The following SAXO1 variants were observed in gnomAD, a reference collection of about 807,000 sequenced individuals.
The protein encoded by SAXO1 is stabilizer of axonemal microtubules 1.
Under a neutral mutation model 17.5 loss-of-function variants are expected in SAXO1, and 21 were observed. The ratio of observed to expected loss-of-function variants is 1.20; its 90% CI spans 0.85 to 1.72. The LOEUF is 1.72. Ranked by LOEUF, SAXO1 falls within the 40% of genes most tolerant of loss-of-function variation. The probability of loss-of-function intolerance (pLI) is 0.00; values close to 1 mark genes in which losing one functional copy is unlikely to be tolerated. For synonymous variants in SAXO1, 274 were observed against 216.5 expected, an observed-to-expected ratio of 1.27 and a Z score of -2.33; for missense variants, 843 against 596.0, an observed-to-expected ratio of 1.41 and a Z score of -4.32.
intron 1 of SAXO1, among the ~76,000 whole-genome samples, chr9:19,019,485 T>C (rs1835135592): frequency 6.6e-6 from 1 of 152,104 alleles, no homozygotes; most frequent in Non-Finnish European, 1.5e-5. Flanking sequence ...TCCAGGCACT[T>C]TGGGAGGCCA....
chr9:19,019,798 T>C (rs1388830570), intron 1 of SAXO1, among the ~76,000 whole-genome samples: 1 of 152,114 alleles, frequency 6.6e-6, no homozygotes, highest in Non-Finnish European at 1.5e-5. Context: ...GCAAAATTCT[T>C]TATTAGTATT....
intron 1 of SAXO1, among the ~76,000 whole-genome samples, chr9:18,959,437 C>T (rs1832392232): frequency 6.6e-6 from 1 of 152,022 alleles, no homozygotes; most frequent in African/African-American, 2.4e-5. Context: ...TGGCCTCGAC[C>T]CAGGGCATCT....
intron 1 of SAXO1, among the ~76,000 whole-genome samples, chr9:18,990,760 A>G (rs939490094): frequency 1.3e-5 from 2 of 152,176 alleles, no homozygotes; most frequent in Non-Finnish European, 2.9e-5. Flanking sequence ...ATAGGAGTGC[A>G]AACCCTATCA....
At chr9:19,027,959 G>A (rs1012510156) in intron 1 of SAXO1, 19 of 1,490,108 alleles carry the variant, frequency 1.3e-5, no homozygotes, top group Admixed American at 3.4e-5. Flanking sequence ...TGAACTGCGA[G>A]GGAGCTGACC....
chr9:18,966,327 A>G (rs1430535202), intron 1 of SAXO1, among the ~76,000 whole-genome samples: 2 of 152,282 alleles, frequency 1.3e-5, no homozygotes, highest in East Asian at 3.9e-4. Flanking sequence ...TATATCCTGA[A>G]AAGTGTTTTC....
intron 1 of SAXO1, among the ~76,000 whole-genome samples, chr9:18,954,209 C>A (rs1307720709): frequency 1.3e-5 from 2 of 152,130 alleles, no homozygotes; most frequent in African/African-American, 4.8e-5. Flanking sequence ...CACTGACTTT[C>A]TGATACTTGG....
rs1035305894 is a variant in SAXO1, at chr9:18,997,407, G to C, written c.38+35464C>G. On this transcript the variant is annotated intron_variant, in intron 1 of 3. Coordinates refer to ENST00000380534, the MANE Select transcript of SAXO1 (RefSeq NM_153707.4). Reference sequence around the variant, plus strand: ...GGTAAGAGGAGGGGCATCTGCCATTGCTGAGGCTTGAGTAGGTAGTTCCAT... The same window carrying C: ...GGTAAGAGGAGGGGCATCTGCCATTCCTGAGGCTTGAGTAGGTAGTTCCAT... 3.3e-5 allele frequency among the ~76,000 whole-genome samples: 5 copies of C among 152,374 alleles called. No individual in the cohort carries two copies. In the South Asian group the frequency reaches 6.2e-4, roughly 19 times the overall value.
At chr9:18,989,207 T>C (rs1174602906) in intron 1 of SAXO1, among the ~76,000 whole-genome samples, 1 of 152,086 alleles carries the variant, frequency 6.6e-6, no homozygotes, top group Non-Finnish European at 1.5e-5. Flanking sequence ...GTAAAACAAA[T>C]ACAATGATGC....
intron 1 of SAXO1, among the ~76,000 whole-genome samples, chr9:19,024,842 C>G (rs1177847899): frequency 3.3e-5 from 5 of 152,108 alleles, no homozygotes; most frequent in Non-Finnish European, 5.9e-5. Flanking sequence ...TATAAATCAC[C>G]TGAAGGTCAG....
chr9:18,998,554 CAGA>C lies in SAXO1; in HGVS notation c.38+34314_38+34316del, dbSNP rs544453597. On this transcript the variant is annotated intron_variant, in intron 1 of 3. Coordinates refer to ENST00000380534, the MANE Select transcript of SAXO1 (RefSeq NM_153707.4). Reference sequence around the variant, plus strand: ...AGAAAACACTCTTCGGGATATTATCCAGAAGAACTTTCCCAACCTAGCAAGACA... The same window carrying C: ...AGAAAACACTCTTCGGGATATTATCCAGAACTTTCCCAACCTAGCAAGACA... 2.7e-3 allele frequency among the ~76,000 whole-genome samples: 413 copies of C among 152,202 alleles called. 7 individuals carry two copies. The South Asian group carries it at 0.035, about 13-fold the overall frequency.
At chr9:18,991,844 A>T (rs997731368) in intron 1 of SAXO1, among the ~76,000 whole-genome samples, 1 of 152,180 alleles carries the variant, frequency 6.6e-6, no homozygotes, top group Non-Finnish European at 1.5e-5. Flanking sequence ...CTGGTGCCAG[A>T]AAGTTGGAGG....
chr9:19,002,478 C>T (rs937356056), intron 1 of SAXO1, among the ~76,000 whole-genome samples: 5 of 152,106 alleles, frequency 3.3e-5, no homozygotes, highest in East Asian at 1.9e-4. Context: ...TGATGAACAT[C>T]GATGCAAAAA....
intron 2 of SAXO1, among the ~76,000 whole-genome samples, chr9:18,947,360 T>G (rs1014239450): frequency 6.6e-6 from 1 of 152,232 alleles, no homozygotes; most frequent in Non-Finnish European, 1.5e-5. Flanking sequence ...CTTACTCTCC[T>G]TGGTTTACCA....
At chr9:18,986,619 A>AG (rs1563963118) in intron 1 of SAXO1, among the ~76,000 whole-genome samples, 5 of 152,250 alleles carry the variant, frequency 3.3e-5, no homozygotes, top group African/African-American at 1.2e-4. Context: ...AGAAAAAAAA[A>AG]AGGGGGGGCG....
chr9:19,039,084 G>A (rs1384736405), intron 1 of SAXO1, among the ~76,000 whole-genome samples: 2 of 151,444 alleles, frequency 1.3e-5, no homozygotes, highest in African/African-American at 4.9e-5. Flanking sequence ...TTAAAGTGGT[G>A]AGATCACACC....
chr9:19,038,321 A>C lies in SAXO1; in HGVS notation c.-158+10888T>G, dbSNP rs1231522857. ...ACACATGCACATGTATGTTTATTGCAGCACTATTCACAATACCAAAGACTT... is the reference window on the plus strand; with the variant it reads ...ACACATGCACATGTATGTTTATTGCCGCACTATTCACAATACCAAAGACTT... On this transcript the variant is annotated intron_variant, in intron 1 of 3. Transcript: ENST00000542071. Among the ~76,000 whole-genome samples, 4 of 152,238 alleles carry C rather than the reference A, an allele frequency of 2.6e-5. No individual in the cohort carries two copies. The South Asian group carries it at 8.3e-4, about 32-fold the overall frequency.
intron 2 of SAXO1, among the ~76,000 whole-genome samples, chr9:18,946,407 G>C (rs1214749739): frequency 6.6e-6 from 1 of 151,586 alleles, no homozygotes; most frequent in East Asian, 1.9e-4. Flanking sequence ...TACATAAACT[G>C]GGCCCAAATC....
upstream of SAXO1, among the ~76,000 whole-genome samples, chr9:19,033,437 C>A (rs570997458): frequency 9.8e-5 from 15 of 152,364 alleles, no homozygotes; most frequent in African/African-American, 3.4e-4. Flanking sequence ...AACGGTCACA[C>A]GTGCAGAAAA....
chr9:18,997,849 C>A (rs1225501398), intron 1 of SAXO1, among the ~76,000 whole-genome samples: 5 of 152,196 alleles, frequency 3.3e-5, no homozygotes, highest in African/African-American at 1.2e-4. Flanking sequence ...GGACTTCCAG[C>A]AAACTCCAAC....
Sources: allele counts gnomAD v4.1 joint callset (sites outside exome capture counted in the v4.1 genomes callset), GRCh38; gene constraint gnomAD v4.1.1; transcripts MANE v1.5; gene names NCBI Gene and HGNC (gene_info 2026-07-23, HGNC 2026-07-21).